EPHA3: variants seen among roughly 807,000 people sequenced by gnomAD.
EPHA3 encodes EPH receptor A3, also known as ephrin type-A receptor 3.
Under a neutral mutation model 107.1 loss-of-function variants are expected in EPHA3, and 42 were observed. That is an observed-to-expected ratio of 0.39 (90% confidence interval 0.31 to 0.51). The LOEUF (loss-of-function observed/expected upper bound fraction) is 0.51, where lower values mean the gene tolerates loss of function less well. EPHA3 is among the 20% of genes least tolerant of loss of function. EPHA3 has a pLI of 0.78. For synonymous variants in EPHA3, 461 were observed against 424.8 expected (o/e 1.09, Z -1.05); for missense variants, 1,183 against 1,211.2 (o/e 0.98, Z 0.35).
intron 2 of EPHA3, among the ~76,000 whole-genome samples, chr3:89,195,876 A>G (rs2107149620): frequency 6.6e-6 from 1 of 152,282 alleles, no homozygotes; most frequent in East Asian, 1.9e-4. Context: ...AAAAACTTCC[A>G]TTATATTCCA....
chr3:89,121,926 G>T (rs1432816056), intron 1 of EPHA3, among the ~76,000 whole-genome samples: 1 of 152,110 alleles, frequency 6.6e-6, no homozygotes, highest in Non-Finnish European at 1.5e-5. Context: ...ATACCCTGCT[G>T]CTTACAGTAA....
intron 3 of EPHA3, among the ~76,000 whole-genome samples, chr3:89,283,089 T>G (rs534165935): frequency 2.0e-4 from 30 of 152,274 alleles, no homozygotes; most frequent in African/African-American, 7.0e-4. Context: ...CTCTTGGAAG[T>G]GCAGGTTTAA....
chr3:89,444,597 T>C (rs1709846092), intron 13 of EPHA3, among the ~76,000 whole-genome samples: 2 of 152,122 alleles, frequency 1.3e-5, no homozygotes, highest in Admixed American at 1.3e-4. Flanking sequence ...ATTTGTTATA[T>C]TGACAGTAAA....
chr3:89,125,369 G>T (rs1300838869), intron 1 of EPHA3, among the ~76,000 whole-genome samples: 4 of 151,646 alleles, frequency 2.6e-5, no homozygotes, highest in Non-Finnish European at 5.9e-5. Flanking sequence ...CAGAATAAAT[G>T]TTAGTAATAT....
intron 1 of EPHA3, among the ~76,000 whole-genome samples, chr3:89,112,720 T>C (rs367989646): frequency 6.6e-6 from 1 of 151,978 alleles, no homozygotes. Context: ...AAAACTTTCC[T>C]CAAATCATCA....
chr3:89,333,302 T>G (rs1357772183), intron 3 of EPHA3, among the ~76,000 whole-genome samples: 1 of 152,200 alleles, frequency 6.6e-6, no homozygotes, highest in Non-Finnish European at 1.5e-5. Context: ...CCTTCATAAA[T>G]ATGAAATCAG....
chr3:89,184,842 G>T (rs1705526975), intron 2 of EPHA3, among the ~76,000 whole-genome samples: 3 of 152,038 alleles, frequency 2.0e-5, no homozygotes, highest in African/African-American at 7.2e-5. Flanking sequence ...AGTGATATTA[G>T]AATGTGAAGC....
intron 15 of EPHA3, among the ~76,000 whole-genome samples, chr3:89,452,521 C>T (rs59541469): frequency 0.22 from 33,971 of 151,930 alleles, 4,105 homozygotes; most frequent in Non-Finnish European, 0.25. Context: ...TATTCAGGTC[C>T]TTTGCCCATT....
chr3:89,344,854 T>A (rs1408451766), intron 5 of EPHA3, among the ~76,000 whole-genome samples: 1 of 152,134 alleles, frequency 6.6e-6, no homozygotes, highest in Non-Finnish European at 1.5e-5. Flanking sequence ...TGTAGAAGAT[T>A]ATGTTGTAAA....
chr3:89,350,689 C>G lies in EPHA3; in HGVS notation c.1306+8599C>G, dbSNP rs1269875678. On this transcript the variant is annotated intron_variant, in intron 5 of 16. Coordinates refer to ENST00000336596, the MANE Select transcript of EPHA3 (RefSeq NM_005233.6). ...CTGCGTTCCTTTGGAGGAGGAGAGG[C>G]GCTCTGCGTTTTAGAGTTTCCAGTT... Among the ~76,000 whole-genome samples the G allele has an allele frequency of 2.6e-5, 4 of 151,112 alleles. No homozygotes were observed. In the East Asian group the frequency reaches 7.8e-4, roughly 29 times the overall value.
chr3:89,160,589 T>TGTGTGTGTGTGTGTGG (rs371399940), intron 2 of EPHA3, among the ~76,000 whole-genome samples: 4 of 145,098 alleles, frequency 2.8e-5, no homozygotes, highest in East Asian at 2.1e-4. Context: ...TGTGTGTGTG[T>TGTGTGTGTGTGTGTGG]GCGCGCATTC....
intron 2 of EPHA3, among the ~76,000 whole-genome samples, chr3:89,154,938 TA>T (rs1353301281): frequency 6.7e-6 from 1 of 149,140 alleles, no homozygotes; most frequent in Non-Finnish European, 1.5e-5. Flanking sequence ...ATTGCTCCAC[TA>T]TTATAACCAT....
chr3:89,312,174 G>C (rs1254140436), intron 3 of EPHA3, among the ~76,000 whole-genome samples: 1 of 151,880 alleles, frequency 6.6e-6, no homozygotes, highest in Non-Finnish European at 1.5e-5. Flanking sequence ...TATAACCTCT[G>C]ATAATAATAT....
intron 3 of EPHA3, among the ~76,000 whole-genome samples, chr3:89,235,949 A>G (rs1319793008): frequency 2.6e-5 from 4 of 152,116 alleles, no homozygotes; most frequent in Admixed American, 2.0e-4. Context: ...CACAAAGCAA[A>G]CATATATATT....
chr3:89,168,247 C>G (rs1705124447), intron 2 of EPHA3, among the ~76,000 whole-genome samples: 1 of 152,096 alleles, frequency 6.6e-6, no homozygotes, highest in Admixed American at 6.5e-5. Flanking sequence ...AATTAGTGTA[C>G]TAGTGCATTG....
intron 16 of EPHA3, among the ~76,000 whole-genome samples, chr3:89,473,216 T>C (rs1710441637): frequency 6.6e-6 from 1 of 152,212 alleles, no homozygotes; most frequent in Admixed American, 6.5e-5. Flanking sequence ...AAAGGCTTAT[T>C]GCCAGATGAG....
At chr3:89,152,138 G>A (rs1349222241) in intron 2 of EPHA3, among the ~76,000 whole-genome samples, 1 of 151,990 alleles carries the variant, frequency 6.6e-6, no homozygotes, top group African/African-American at 2.4e-5. Context: ...TGTGGATCAC[G>A]AAGGTACTCA....
intron 3 of EPHA3, among the ~76,000 whole-genome samples, chr3:89,288,518 C>T (rs1051447307): frequency 6.6e-6 from 1 of 152,074 alleles, no homozygotes; most frequent in African/African-American, 2.4e-5. Flanking sequence ...GTGTTATAGG[C>T]TTGAGTATTC....
intron 13 of EPHA3, among the ~76,000 whole-genome samples, chr3:89,439,754 CAT>C (rs1339878525): frequency 6.4e-4 from 94 of 145,846 alleles, no homozygotes; most frequent in African/African-American, 1.7e-3. Flanking sequence ...CACACACACA[CAT>C]ATATATATGT....
Sources: gnomAD v4.1 joint callset for allele counts (sites outside exome capture counted in the v4.1 genomes callset) on GRCh38, gnomAD v4.1.1 for gene constraint, MANE v1.5 for transcripts, NCBI Gene and HGNC (gene_info 2026-07-23, HGNC 2026-07-21) for gene names.